SACS: variants seen among roughly 807,000 people sequenced by gnomAD.
SACS encodes the protein sacsin.
In SACS, 197 loss-of-function variants were observed where a neutral mutation model predicts 348.0. The observed-to-expected ratio is 0.57, with a 90% CI of 0.50 to 0.64. SACS has a LOEUF of 0.64. Ranked by LOEUF, SACS falls within the 30% of genes least tolerant of loss-of-function variation. The pLI is 0.00. For missense variants in SACS, 4,999 were observed against 5,360.8 expected (o/e 0.93, Z 2.11); for synonymous variants, 1,985 against 1,910.6 (o/e 1.04, Z -1.02).
In SACS at chr13:23,336,387, C is replaced by T; in HGVS notation, c.7489G>A (p.Gly2497Arg). Residue 2497 changes from glycine to arginine, a missense_variant, in exon 10 of 10, where the codon GGA becomes AGA. By Grantham distance (125) the Gly-to-Arg change is moderately radical. Coordinates refer to ENST00000382292, the MANE Select transcript of SACS (RefSeq NM_014363.6). ...DIPREVAVKL[G>R]AVPKRHKALE... The stretch of plus-strand genomic sequence containing the variant: ...GCTTTGTGTCGCTTTGGGACTGCTC[C>T]TAGTTTTACTGCTACTTCCCTGGGT... 6.2e-7 allele frequency: 1 copy of T among 1,614,044 alleles called. No individual in the cohort carries two copies. The highest frequency in any genetic ancestry group is 8.5e-7 in the Non-Finnish European group (1 of 1,179,946).
chr13:23,370,037 T>G (rs1871289706), intron 4 of SACS, among the ~76,000 whole-genome samples: 1 of 151,904 alleles, frequency 6.6e-6, no homozygotes, highest in South Asian at 2.1e-4. Flanking sequence ...TTTTTCTATT[T>G]TTAGTAGAGA....
rs1371958345 is a variant in SACS at position 23,355,875 on chromosome 13, T to C, written c.737A>G (p.Gln246Arg). ...AAAAATGCCAACAAATGGTGCAAACTGGTCTGAAAGTTCACTAATTTCTTT... is the reference window on the plus strand; with the variant it reads ...AAAAATGCCAACAAATGGTGCAAACCGGTCTGAAAGTTCACTAATTTCTTT... The part of the protein sequence containing the change: ...DSKEISELSD[Q>R]FAPFVGIFGS... The change falls in exon 8 of 10, where the codon CAG (glutamine) becomes CGG (arginine). Residue 246 changes from glutamine to arginine, a missense_variant. Physicochemically the swap from Gln to Arg is conservative, Grantham distance 43. This residue lies in a region of SACS where 3,156 missense variants were observed against 3,380.1 expected (regional missense o/e 0.93). Transcript: ENST00000382292. 6.2e-7 allele frequency: 1 copy of C among 1,614,090 alleles called. No individual in the cohort carries two copies.
rs1330263717 is a variant in SACS at position 23,355,244 on chromosome 13, G to A, written c.1368C>T (p.Ser456=). The change falls in exon 8 of 10, where the codon AGC becomes AGT. Residue 456 remains serine, a synonymous_variant. Transcript: ENST00000382292. ...CFLPLPPGEE[S]STGLPVHISG... ...TGATGTGAACTGGGAGGCCTGTGCTGCTTTCCTCACCAGGTGGTAAAGGAA... is the reference window on the plus strand; with the variant it reads ...TGATGTGAACTGGGAGGCCTGTGCTACTTTCCTCACCAGGTGGTAAAGGAA... The A allele has an allele frequency of 6.2e-7, 1 of 1,614,180 alleles. No homozygotes were observed. Among genetic ancestry groups the A allele is most frequent in the East Asian group, 2.2e-5 (1 of 44,876 alleles).
At chr13:23,349,928 G>A (rs1869847045) in intron 9 of SACS, among the ~76,000 whole-genome samples, 1 of 152,200 alleles carries the variant, frequency 6.6e-6, no homozygotes, top group Admixed American at 6.5e-5. Context: ...AGATATGGTG[G>A]TCACTAACAC....
chr13:23,359,858 A>C (rs544209263), intron 6 of SACS, among the ~76,000 whole-genome samples: 4 of 152,124 alleles, frequency 2.6e-5, no homozygotes, highest in African/African-American at 9.7e-5. Context: ...GCCTCTCCTC[A>C]TCCTCCCATC....
At position 23,388,487 on chromosome 13, in the gene SACS, G is replaced by GTATA. The variant is rs71100176; in HGVS notation, c.21-13222_21-13219dup. ...TAAAATATAAAAATATGGTGTGTGT[G>GTATA]TATATATATATATATATATATACAC... On this transcript the variant is annotated intron_variant, in intron 2 of 9. Transcript: ENST00000382292. 1.4e-3 allele frequency among the ~76,000 whole-genome samples: 191 copies of GTATA among 140,182 alleles called. 2 individuals are homozygous for GTATA. The highest frequency in any genetic ancestry group is 4.5e-3 in the African/African-American group (170 of 37,762). 92.0% of individuals were successfully genotyped at this position (140,182 alleles called of 152,430 possible). A position where few individuals can be genotyped will look rare whatever the true frequency, so the allele number is the denominator to read the frequency against.
At chr13:23,352,122 T>A (rs1869995131) in intron 9 of SACS, among the ~76,000 whole-genome samples, 1 of 152,238 alleles carries the variant, frequency 6.6e-6, no homozygotes, top group Non-Finnish European at 1.5e-5. Context: ...CTGCTGACCT[T>A]CTACCCTTCT....
At chr13:23,353,123 T>TA (rs963951438) in intron 9 of SACS, among the ~76,000 whole-genome samples, 1 of 152,184 alleles carries the variant, frequency 6.6e-6, no homozygotes, top group African/African-American at 2.4e-5. Flanking sequence ...AAGGTAGTAT[T>TA]AAAATTAGAA....
intron 4 of SACS, among the ~76,000 whole-genome samples, chr13:23,369,963 A>T (rs1188050296): frequency 6.6e-6 from 1 of 151,290 alleles, no homozygotes; most frequent in Non-Finnish European, 1.5e-5. Context: ...GGTTCAAGCG[A>T]TTCTTCTGCC....
At chr13:23,380,787 T>C (rs940407225) in intron 2 of SACS, among the ~76,000 whole-genome samples, 21 of 152,124 alleles carry the variant, frequency 1.4e-4, no homozygotes, top group Non-Finnish European at 2.5e-4. Context: ...CATATCCCCA[T>C]ATGCAGCAGT....
Position 23,336,436 on chromosome 13 carries a change from A to C in SACS, c.7440T>G (p.Thr2480=), listed in dbSNP as rs777669530. The C allele has an allele frequency of 2.5e-6, 4 of 1,613,942 alleles. No homozygotes were observed. Among genetic ancestry groups the C allele is most frequent in the Non-Finnish European group, 3.4e-6 (4 of 1,179,952 alleles). Residue 2480 remains threonine (T), a synonymous_variant, in exon 10 of 10, where the codon ACT becomes ACG. Coordinates refer to ENST00000382292, the MANE Select transcript of SACS (RefSeq NM_014363.6). ...DCPWIKVKDT[T]VKYCHADIPR... ...GTATGTCAGCATGACAATATTTTACAGTGGTATCCTTTACTTTTATCCAAG... is the reference window on the plus strand; with the variant it reads ...GTATGTCAGCATGACAATATTTTACCGTGGTATCCTTTACTTTTATCCAAG...
Position 23,338,340 on chromosome 13 carries a change from A to G in SACS, c.5536T>C (p.Cys1846Arg). ...GACAGCTGAACTCCTACTGCCCCAC[A>G]TGGAACCAGTCCTAGTCTTCTTCCA... ...ESGRRLGLVP[C>R]GAVGVQLSEI... The change falls in exon 10 of 10, where the codon TGT (cysteine) becomes CGT (arginine). Residue 1846 changes from cysteine (C) to arginine (R), a missense_variant. By Grantham distance (180) the Cys-to-Arg change is radical. Coordinates refer to ENST00000382292, the MANE Select transcript of SACS (RefSeq NM_014363.6). The G allele has an allele frequency of 6.2e-7, 1 of 1,614,106 alleles. No individual in the cohort carries two copies. Among genetic ancestry groups the G allele is most frequent in the Non-Finnish European group, 8.5e-7 (1 of 1,179,998 alleles).
In SACS at chr13:23,337,478, T is replaced by A; in HGVS notation, c.6398A>T (p.Tyr2133Phe). 1 of 1,613,884 alleles carries A rather than the reference T, an allele frequency of 6.2e-7. No individual in the cohort carries two copies. The highest frequency in any genetic ancestry group is 8.5e-7 in the Non-Finnish European group (1 of 1,179,890). Residue 2133 changes from tyrosine (Y) to phenylalanine (F), a missense_variant, in exon 10 of 10, where the codon TAT becomes TTT. Physicochemically the swap from Tyr to Phe is conservative, Grantham distance 22. Around this residue, in one of 6 missense-constraint regions of SACS, gnomAD observed 3,156 missense variants for 3,380.1 expected, o/e 0.93. Coordinates refer to ENST00000382292, the MANE Select transcript of SACS (RefSeq NM_014363.6). ...LFDIKDGRFPYGSTQDYLNPI... is the reference protein window; with the variant it reads ...LFDIKDGRFPFGSTQDYLNPI... ...ATTGAGATAATCCTGAGTAGAACCA[T>A]AAGGGAATCTCCCATCTTTAATATC... is the stretch of plus-strand genomic sequence containing the variant.
Position 23,329,796 on chromosome 13 carries a change from T to C in SACS, c.*340A>G, listed in dbSNP as rs1402684386. 2.1e-6 allele frequency: 1 copy of C among 465,650 alleles called. No homozygotes were observed. The highest frequency in any genetic ancestry group is 3.8e-6 in the Non-Finnish European group (1 of 264,202). The allele number at this position is 465,650 out of a possible 1,614,324, so 28.8% of individuals were successfully genotyped here. ...CTTCAAAAATACCATGTTAAAAACA[T>C]AAAATTAACTTCATCCTAACCAGAG... is the stretch of plus-strand genomic sequence containing the variant. On this transcript the variant is annotated 3_prime_UTR_variant, in exon 10 of 10. Coordinates refer to ENST00000382292, the MANE Select transcript of SACS (RefSeq NM_014363.6).
At chr13:23,392,986 G>T (rs1036458591) in intron 2 of SACS, among the ~76,000 whole-genome samples, 1 of 152,066 alleles carries the variant, frequency 6.6e-6, no homozygotes, top group African/African-American at 2.4e-5. Context: ...CACAGACATC[G>T]GGAGAGGCCA....
chr13:23,375,498 C>T, intron 2 of SACS: 3 of 1,136,158 alleles, frequency 2.6e-6, no homozygotes, highest in Non-Finnish European at 3.2e-6. Flanking sequence ...CAGCAGCCCG[C>T]GCCGAGGAGG....
chr13:23,386,697 CTTG>C (rs1462105100), intron 2 of SACS, among the ~76,000 whole-genome samples: 1 of 152,206 alleles, frequency 6.6e-6, no homozygotes, highest in African/African-American at 2.4e-5. Flanking sequence ...GCTTTCCTGT[CTTG>C]GCTTTCAACC....
At position 23,338,663 on chromosome 13, in the gene SACS, A is replaced by C; in HGVS notation, c.5213T>G (p.Leu1738Arg). 1 of 1,614,138 alleles carries C rather than the reference A, an allele frequency of 6.2e-7. No individual in the cohort carries two copies. Among genetic ancestry groups the C allele is most frequent in the Non-Finnish European group, 8.5e-7 (1 of 1,180,010 alleles). Residue 1738 changes from leucine (L) to arginine (R), a missense_variant, in exon 10 of 10, where the codon CTC becomes CGC. Physicochemically the swap from Leu to Arg is moderately radical, Grantham distance 102 (BLOSUM62 -2). Coordinates refer to ENST00000382292, the MANE Select transcript of SACS (RefSeq NM_014363.6). ...ATTACTGCTGCTGCAAGTCTTCATGAGCTTAGCAGCCTCTTTTAAAACACT... is the reference window on the plus strand; with the variant it reads ...ATTACTGCTGCTGCAAGTCTTCATGCGCTTAGCAGCCTCTTTTAAAACACT... ...VLSVLKEAAKLMKTCSSSNKK... is the reference protein window; with the variant it reads ...VLSVLKEAAKRMKTCSSSNKK...
Position 23,333,371 on chromosome 13 carries a change from T to G in SACS, c.10505A>C (p.Asn3502Thr). The G allele has an allele frequency of 6.3e-7, 1 of 1,599,430 alleles. No individual in the cohort carries two copies. The highest frequency in any genetic ancestry group is 8.5e-7 in the Non-Finnish European group (1 of 1,174,964). ...AKLEHLIYLK[N>T]RLSSAEELSE... ...TAATTCCTCAGCACTTGATAATCTATTCTTAAGGTAGATCAAGTGCTCTAA... is the reference window on the plus strand; with the variant it reads ...TAATTCCTCAGCACTTGATAATCTAGTCTTAAGGTAGATCAAGTGCTCTAA... Residue 3502 changes from asparagine to threonine, a missense_variant, in exon 10 of 10, where the codon AAT (asparagine) becomes ACT (threonine). Asn to Thr is a moderately conservative substitution (Grantham distance 65). This residue lies in a region of SACS where 734 missense variants were observed against 694.0 expected (regional missense o/e 1.06). Coordinates refer to ENST00000382292, the MANE Select transcript of SACS (RefSeq NM_014363.6).
Sources: allele counts gnomAD v4.1 joint callset (sites outside exome capture counted in the v4.1 genomes callset), GRCh38; gene constraint gnomAD v4.1.1; regional missense constraint gnomAD v4.1.1; transcripts MANE v1.5; gene names NCBI Gene and HGNC (gene_info 2026-07-23, HGNC 2026-07-21).